The following DNAH17 variants were observed in gnomAD, a reference collection of about 807,000 sequenced individuals.
DNAH17 encodes the protein dynein axonemal heavy chain 17.
A neutral mutation model predicts 485.6 loss-of-function variants in DNAH17; 376 were observed. The ratio of observed to expected loss-of-function variants is 0.77; its 90% CI spans 0.71 to 0.84. The LOEUF (loss-of-function observed/expected upper bound fraction) is 0.84. DNAH17 is among the 40% of genes least tolerant of loss of function. The pLI is 0.00. For synonymous variants in DNAH17, 3,031 were observed against 2,405.9 expected (o/e 1.26, Z -7.60); for missense variants, 6,370 against 5,839.3 (o/e 1.09, Z -2.96).
At chr17:78,457,175 AC>A (rs1399194190) in intron 62 of DNAH17, among the ~76,000 whole-genome samples, 2 of 152,162 alleles carry the variant, frequency 1.3e-5, no homozygotes, top group African/African-American at 4.8e-5. Flanking sequence ...GTTCGAGACC[AC>A]CCCGGCCAAC....
Position 78,507,463 on chromosome 17 carries a change from AT to A in DNAH17, c.4578del (p.Glu1526AspfsTer5). ...DSQRFDDINQEFKALMEDAVK... is the reference protein window; with the variant it reads ...DSQRFDDINQXFKALMEDAVK... ...AACCACCGGGCTGTGCTCACCTTGA[AT>A]TCCTGGTTGATGTCGTCAAAGCGCT... On this transcript the variant is annotated frameshift_variant, in exon 28 of 81. Transcript: ENST00000389840. LOFTEE classifies it high-confidence loss of function. 6.2e-7 allele frequency: 1 copy of A among 1,612,304 alleles called. No individual in the cohort carries two copies. The highest frequency in any genetic ancestry group is 1.1e-5 in the South Asian group (1 of 91,074).
At position 78,501,268 on chromosome 17, in the gene DNAH17, G is replaced by A; in HGVS notation, c.5399C>T (p.Ala1800Val). The change falls in exon 35 of 81, where the codon GCC (alanine) becomes GTC (valine). Residue 1800 changes from alanine to valine, a missense_variant. Coordinates refer to ENST00000389840, the MANE Select transcript of DNAH17 (RefSeq NM_173628.4). Reference protein sequence around the residue: ...RWDEEKRHCFANICDAQIQYS... With the variant: ...RWDEEKRHCFVNICDAQIQYS... ...CTGGATTTGGGCATCGCAGATGTTG[G>A]CAAAGCAGTGTCGCTTCTCTTCGTC... The A allele has an allele frequency of 6.2e-7, 1 of 1,609,296 alleles. No individual in the cohort carries two copies.
chr17:78,480,033 TTTTTTTTTTTTTTTTTA>T (rs1227074990), intron 49 of DNAH17, among the ~76,000 whole-genome samples: 34 of 102,492 alleles, frequency 3.3e-4, no homozygotes, highest in South Asian at 1.0e-3. Context: ...TTTTTTTTTT[TTTTTTTTTTTTTTTTTA>T]AAAAAAGTAT....
At position 78,468,625 on chromosome 17, in the gene DNAH17, G is replaced by A. The variant is rs1255834582; in HGVS notation, c.8770C>T (p.Gln2924Ter). ...WKFFIEKVRR[Q>*]LKVILCFSPV... ...GAAGACGGGAGCCCCACCTTGAGCTGTCTGCGCACTTTTTCGATGAAGAAC... is the reference window on the plus strand; with the variant it reads ...GAAGACGGGAGCCCCACCTTGAGCTATCTGCGCACTTTTTCGATGAAGAAC... Residue 2924 changes from glutamine (Q) to a stop codon, truncating the protein, a stop_gained, in exon 55 of 81, where the codon CAG (glutamine) becomes TAG (stop). Transcript: ENST00000389840. LOFTEE classifies it high-confidence loss of function. 2 of 1,612,878 alleles carry A rather than the reference G, an allele frequency of 1.2e-6. No homozygotes were observed. The highest frequency in any genetic ancestry group is 2.2e-5 in the East Asian group (1 of 44,894).
intron 13 of DNAH17, among the ~76,000 whole-genome samples, 155 bp downstream of exon 13, chr17:78,560,585 G>C (rs952831430): frequency 6.6e-6 from 1 of 152,150 alleles, no homozygotes; most frequent in Non-Finnish European, 1.5e-5. Flanking sequence ...TTTCCCTCAT[G>C]TCTTAAATAT....
Position 78,514,981 on chromosome 17 carries a change from T to C in DNAH17, c.3906A>G (p.Lys1302=), listed in dbSNP as rs1269327571. ...SIEDWKTTKW[K]DINVEQMDID... is the part of the protein sequence containing the mutation. ...TGTCCATCTGCTCAACGTTGATATC[T>C]TTCCACTTGGTGGTCTTCCAGTCCT... The change falls in exon 26 of 81, where the codon AAA becomes AAG. Residue 1302 remains lysine (K), a synonymous_variant. Transcript: ENST00000389840. The C allele has an allele frequency of 1.1e-5, 18 of 1,613,942 alleles. No individual in the cohort carries two copies. The highest frequency in any genetic ancestry group is 1.4e-5 in the Non-Finnish European group (17 of 1,179,916).
intron 3 of DNAH17, among the ~76,000 whole-genome samples, chr17:78,572,085 C>A (rs2092366683): frequency 6.6e-6 from 1 of 152,130 alleles, no homozygotes; most frequent in Non-Finnish European, 1.5e-5. Flanking sequence ...CAAGATGGCT[C>A]CCCTGGTGTC....
At chr17:78,453,855 GTTTT>G (rs144265748) in intron 64 of DNAH17, among the ~76,000 whole-genome samples, 4 of 151,660 alleles carry the variant, frequency 2.6e-5, no homozygotes, top group African/African-American at 7.3e-5. Flanking sequence ...ACCCAACTAG[GTTTT>G]TTTTGTTTGT....
intron 16 of DNAH17, 148 bp downstream of exon 16, chr17:78,551,384 TATC>T (rs955939479): frequency 3.0e-6 from 2 of 658,232 alleles, no homozygotes; most frequent in African/African-American, 1.8e-5. Context: ...ACCACTCTGA[TATC>T]ATCCTACCGG....
At chr17:78,429,405 G>A in intron 75 of DNAH17, 105 bp from the exon 76 acceptor site, 1 of 1,271,996 alleles carries the variant, frequency 7.9e-7, no homozygotes, top group East Asian at 2.5e-5. Flanking sequence ...AGCCATTGGT[G>A]CTGTGTCCTT....
chr17:78,426,896 G>C (rs768990159), intron 78 of DNAH17, 30 bp downstream of exon 78: 2 of 1,576,808 alleles, frequency 1.3e-6, no homozygotes, highest in South Asian at 1.2e-5. Context: ...ATCCAGCCAC[G>C]TCCCTGGGGC....
rs774723695 is a variant in DNAH17 at position 78,460,015 on chromosome 17, AC to A, written c.9436-15del. 42 of 1,612,168 alleles carry A rather than the reference AC, an allele frequency of 2.6e-5. No individual in the cohort carries two copies. The African/African-American group carries it at 5.6e-4, about 22-fold the overall frequency. The stretch of plus-strand genomic sequence containing the variant: ...TGTCAGGTTGTTCTGCAAATGACAG[AC>A]GGGATGGGTCCGATGGGAGTTTGGA... On this transcript the variant is annotated splice_polypyrimidine_tract_variant and intron_variant, in intron 59 of 80. Coordinates refer to ENST00000389840, the MANE Select transcript of DNAH17 (RefSeq NM_173628.4).
intron 50 of DNAH17, 75 bp from the exon 51 acceptor site, chr17:78,479,191 A>C: frequency 7.0e-7 from 1 of 1,436,230 alleles, no homozygotes; most frequent in African/African-American, 1.4e-5. Context: ...CAAGTTTCTA[A>C]AGCCAATGGA....
intron 42 of DNAH17, 23 bp from the exon 43 acceptor site, chr17:78,491,593 C>G (rs752046568): frequency 1.2e-6 from 2 of 1,611,216 alleles, no homozygotes; most frequent in Non-Finnish European, 1.7e-6. Flanking sequence ...CGTGGTATGA[C>G]CCCGGGCCCT....
rs1394122070 is a variant in DNAH17, at chr17:78,428,997, CCT to C, written c.12405+122_12405+123del. ...CTTCCAAGTGAGACGCATTTCTCAT[CCT>C]CTCTTATTTTGGCTGCCTGGGTTCT... On this transcript the variant is annotated intron_variant, in intron 76 of 80. Coordinates refer to ENST00000389840, the MANE Select transcript of DNAH17 (RefSeq NM_173628.4). The C allele has an allele frequency of 1.4e-5, 14 of 993,416 alleles. No individual in the cohort carries two copies. The Admixed American group carries it at 1.6e-4, about 11-fold the overall frequency. The allele number at this position is 993,416 out of a possible 1,614,324, so 61.5% of individuals were successfully genotyped here.
At chr17:78,544,145 G>C in intron 16 of DNAH17, 148 bp from the exon 17 acceptor site, 1 of 1,169,874 alleles carries the variant, frequency 8.5e-7, no homozygotes, top group Non-Finnish European at 1.2e-6. Context: ...TGCCCATCAG[G>C]GGCTACTAAG....
At chr17:78,431,283 T>C (rs1191248534) in intron 75 of DNAH17, among the ~76,000 whole-genome samples, 2 of 152,252 alleles carry the variant, frequency 1.3e-5, no homozygotes, top group African/African-American at 4.8e-5. Flanking sequence ...GGGCTGCTTT[T>C]CCTGCATCTT....
Position 78,537,445 on chromosome 17 carries a change from G to T in DNAH17, c.2713C>A (p.Leu905Met). The change falls in exon 19 of 81, where the codon CTG (leucine) becomes ATG (methionine). Residue 905 changes from leucine to methionine, a missense_variant. Transcript: ENST00000389840. The stretch of plus-strand genomic sequence containing the variant: ...TTGAAGGTCAGCCCATCCTCGTCCA[G>T]CTCCATGCGGATCTCAAACAGGGGA... ...IAPLFEIRME[L>M]DEDGLTFNPT... The T allele has an allele frequency of 6.2e-7, 1 of 1,613,416 alleles. No individual in the cohort carries two copies. The highest frequency in any genetic ancestry group is 8.5e-7 in the Non-Finnish European group (1 of 1,179,866).
intron 14 of DNAH17, among the ~76,000 whole-genome samples, chr17:78,554,435 TCAAAAAAAAAAAAA>T (rs1223764979): frequency 1.2e-4 from 3 of 24,322 alleles, no homozygotes; most frequent in Admixed American, 9.6e-4. Context: ...AGACTCTGTC[TCAAAAAAAAAAAAA>T]AAAAAAAAAA....
Sources: gnomAD v4.1 joint callset for allele counts (sites outside exome capture counted in the v4.1 genomes callset) on GRCh38, gnomAD v4.1.1 for gene constraint, MANE v1.5 for transcripts, NCBI Gene and HGNC (gene_info 2026-07-23, HGNC 2026-07-21) for gene names.